Variants in FUT8 observed in about 807,000 individuals in gnomAD.
The protein encoded by FUT8 is alpha-(1,6)-fucosyltransferase.
FUT8 carries 29 observed loss-of-function variants against 71.3 expected under a neutral mutation model. The ratio of observed to expected loss-of-function variants is 0.41; its 90% confidence interval spans 0.30 to 0.55. The LOEUF is 0.55. Ranked by LOEUF, FUT8 falls within the 20% of genes least tolerant of loss-of-function variation. The pLI is 0.34. For synonymous variants in FUT8, 254 were observed against 239.3 expected (o/e 1.06, Z -0.57); for missense variants, 544 against 702.1 (o/e 0.77, Z 2.55).
At position 65,699,850 on chromosome 14, in the gene FUT8, C is replaced by T. The variant is rs370448346; in HGVS notation, c.836-21925C>T. On this transcript the variant is annotated intron_variant, in intron 7 of 10. Coordinates refer to ENST00000673929, the MANE Select transcript of FUT8 (RefSeq NM_001371533.1). ...ATATAGGTTAGAGGAAATAATCATA[C>T]GCAAGTTACGTTCCATGTAGTACTA... Among the ~76,000 whole-genome samples the T allele has an allele frequency of 6.6e-5, 10 of 152,062 alleles. No homozygotes were observed. In the East Asian group the frequency reaches 9.6e-4, roughly 15 times the overall value.
chr14:65,463,753 T>G (rs1266290038), intron 2 of FUT8, among the ~76,000 whole-genome samples: 1 of 152,214 alleles, frequency 6.6e-6, no homozygotes, highest in African/African-American at 2.4e-5. Context: ...CCTTCTCATT[T>G]TAGGTTTTGG....
intron 1 of FUT8, among the ~76,000 whole-genome samples, chr14:65,423,352 C>T (rs548134990): frequency 1.3e-5 from 2 of 150,960 alleles, no homozygotes; most frequent in Non-Finnish European, 3.0e-5. Flanking sequence ...AGCTCCGCCT[C>T]CCAGGTTCAC....
At chr14:65,730,748 C>T (rs530302360) in intron 9 of FUT8, among the ~76,000 whole-genome samples, 2 of 152,242 alleles carry the variant, frequency 1.3e-5, no homozygotes, top group Admixed American at 6.5e-5. Context: ...GCTATTGTGG[C>T]GATCTCTTAA....
intron 6 of FUT8, among the ~76,000 whole-genome samples, chr14:65,629,823 C>CGT (rs1566862483): frequency 1.3e-5 from 1 of 75,812 alleles, no homozygotes; most frequent in East Asian, 5.9e-4. Flanking sequence ...CTACTTCTTA[C>CGT]ACACGTACAC....
chr14:65,557,603 T>C lies in FUT8; in HGVS notation c.-227-3734T>C, dbSNP rs191427506. On this transcript the variant is annotated intron_variant, in intron 2 of 10. Transcript: ENST00000673929. ...GCCTCAGCCTCCCAAAGTGCTGGGA[T>C]TACAGGTGTGAGTCACTGTGCCCAG... Among the ~76,000 whole-genome samples the C allele has an allele frequency of 6.3e-4, 95 of 151,548 alleles. No individual in the cohort carries two copies. The East Asian group carries it at 0.014, about 22-fold the overall frequency.
In FUT8 at chr14:65,669,553, A is replaced by AC; in HGVS notation, c.835+73_835+74insC. 9.9e-7 allele frequency: 1 copy of AC among 1,010,852 alleles called. No homozygotes were observed. Among genetic ancestry groups the AC allele is most frequent in the Non-Finnish European group, 1.5e-6 (1 of 645,752 alleles). 62.6% of individuals were successfully genotyped at this position (1,010,852 alleles called of 1,614,324 possible). On this transcript the variant is annotated intron_variant, in intron 7 of 10. Coordinates refer to ENST00000673929, the MANE Select transcript of FUT8 (RefSeq NM_001371533.1). This position sits in a 1 kb window ranked among gnomAD's most constrained non-coding sequence, Gnocchi z 4.5. ...TTACCAGATTATTAGATTTCTAGGT[A>AC]GACCTTCATGGAACATACTTATCTT... is the stretch of plus-strand genomic sequence containing the variant.
rs922136060 is a variant in FUT8 at position 65,603,361 on chromosome 14, C to G, written c.204-12617C>G. On this transcript the variant is annotated intron_variant, in intron 3 of 10. Coordinates refer to ENST00000673929, the MANE Select transcript of FUT8 (RefSeq NM_001371533.1). This position sits in a 1 kb window ranked among gnomAD's most constrained non-coding sequence, Gnocchi z 4.5. ...TGGCTATTTTTATACCACTACCACA[C>G]TGTTTCGGTGACTTACGGCCGTATA... is the stretch of plus-strand genomic sequence containing the variant. Among the ~76,000 whole-genome samples the G allele has an allele frequency of 3.3e-5, 5 of 151,732 alleles. No individual in the cohort carries two copies. Among genetic ancestry groups the G allele is most frequent in the Admixed American group, 2.6e-4 (4 of 15,184 alleles).
chr14:65,583,352 T>C (rs1887190790), intron 3 of FUT8, among the ~76,000 whole-genome samples: 1 of 152,132 alleles, frequency 6.6e-6, no homozygotes, highest in Admixed American at 6.5e-5. Flanking sequence ...TGGCAAATTT[T>C]TGGGTTTCAT....
the FUT8 span, among the ~76,000 whole-genome samples, chr14:65,368,366 G>T: frequency 1.8e-4 from 20 of 111,172 alleles, 2 homozygotes; most frequent in African/African-American, 5.1e-4. Flanking sequence ...TTGGGACAGA[G>T]TTTCGCTCTT....
chr14:65,625,098 T>TAAATAAAC (rs61492771), intron 5 of FUT8, among the ~76,000 whole-genome samples: 5 of 151,664 alleles, frequency 3.3e-5, no homozygotes, highest in Non-Finnish European at 7.4e-5. Context: ...AATAAATAAA[T>TAAATAAAC]GTAAAGTTGA....
chr14:65,623,534 C>T (rs926978096), intron 5 of FUT8, among the ~76,000 whole-genome samples: 1 of 151,920 alleles, frequency 6.6e-6, no homozygotes, highest in Non-Finnish European at 1.5e-5. Context: ...ACCTGGCCAA[C>T]ATGGTGAAAT....
rs554009160 is a variant in FUT8, at chr14:65,686,393, AT to A, written c.835+16914del. On this transcript the variant is annotated intron_variant, in intron 7 of 10. Transcript: ENST00000673929. ...TCTTGAATCGATTCTTTTTTAAATA[AT>A]AAGTTCAGTATGAAATAAATCTCTG... Among the ~76,000 whole-genome samples the A allele has an allele frequency of 2.4e-3, 364 of 152,328 alleles. 3 individuals are homozygous for A. The highest frequency in any genetic ancestry group is 3.9e-3 in the South Asian group (19 of 4,824).
intron 7 of FUT8, among the ~76,000 whole-genome samples, chr14:65,699,145 T>TAC (rs60092488): frequency 0.048 from 6,268 of 131,834 alleles, 181 homozygotes; most frequent in African/African-American, 0.066. Context: ...CCCTCCCTTC[T>TAC]ACACACACAC....
intron 7 of FUT8, among the ~76,000 whole-genome samples, chr14:65,701,215 TATAAG>T (rs1237660287): frequency 6.6e-6 from 1 of 152,206 alleles, no homozygotes; most frequent in Non-Finnish European, 1.5e-5. Flanking sequence ...TACTTTAATT[TATAAG>T]GTCTTCATGA....
intron 1 of FUT8, among the ~76,000 whole-genome samples, chr14:65,423,869 G>T (rs1595356320): frequency 6.6e-6 from 1 of 152,288 alleles, no homozygotes; most frequent in South Asian, 2.1e-4. Context: ...TTCACAAAAC[G>T]TGCACAATTT....
chr14:65,637,433 C>T (rs1890616773), intron 6 of FUT8, among the ~76,000 whole-genome samples: 2 of 152,130 alleles, frequency 1.3e-5, no homozygotes, highest in South Asian at 2.1e-4. Context: ...CAAATAGCCT[C>T]TGCAGAAGGA....
At chr14:65,555,191 T>C (rs1885524067) in intron 2 of FUT8, among the ~76,000 whole-genome samples, 1 of 152,200 alleles carries the variant, frequency 6.6e-6, no homozygotes, top group South Asian at 2.1e-4. Flanking sequence ...GCCTAAGATA[T>C]TTATCTTGCC....
At chr14:65,618,014 T>TAA (rs1193485628) in intron 5 of FUT8, among the ~76,000 whole-genome samples, 1 of 28,040 alleles carries the variant, frequency 3.6e-5, no homozygotes, top group African/African-American at 2.2e-4. Flanking sequence ...TTAATTCATA[T>TAA]ATATATATAT....
intron 2 of FUT8, among the ~76,000 whole-genome samples, chr14:65,514,647 C>G (rs1882585356): frequency 6.6e-6 from 1 of 151,846 alleles, no homozygotes; most frequent in African/African-American, 2.4e-5. Context: ...GTCTTGTCTT[C>G]ACCGCTGAGT....
Sources: allele counts gnomAD v4.1 joint callset (sites outside exome capture counted in the v4.1 genomes callset), GRCh38; gene constraint gnomAD v4.1.1; non-coding constraint Gnocchi (gnomAD v3.1); transcripts MANE v1.5; gene names NCBI Gene and HGNC (gene_info 2026-07-23, HGNC 2026-07-21).